Variants in SLC4A4 observed in about 807,000 individuals in gnomAD.
SLC4A4 encodes electrogenic sodium bicarbonate cotransporter 1.
SLC4A4 carries 27 observed loss-of-function variants against 111.5 expected under a neutral mutation model. The observed-to-expected ratio is 0.24, with a 90% confidence interval of 0.18 to 0.33. The LOEUF is 0.33. Ranked by LOEUF, SLC4A4 falls within the 10% of genes least tolerant of loss-of-function variation. The pLI is 1.00. For synonymous variants in SLC4A4, 443 were observed against 463.4 expected, an observed-to-expected ratio of 0.96 and a Z score of 0.57; for missense variants, 909 against 1,315.5, an observed-to-expected ratio of 0.69 and a Z score of 4.78.
At chr4:71,547,281 A>G (rs187144911) in intron 19 of SLC4A4, among the ~76,000 whole-genome samples, 1 of 152,156 alleles carries the variant, frequency 6.6e-6, no homozygotes, top group Non-Finnish European at 1.5e-5. Flanking sequence ...CCTATGAAAG[A>G]AGGTGTAAGG....
intron 3 of SLC4A4, among the ~76,000 whole-genome samples, chr4:71,338,123 G>A (rs886532061): frequency 3.9e-5 from 6 of 152,044 alleles, no homozygotes; most frequent in Admixed American, 6.6e-5. Context: ...GTAAGCCACC[G>A]CGCCCTGCCA....
intron 1 of SLC4A4, among the ~76,000 whole-genome samples, chr4:71,072,515 C>G (rs991655183): frequency 2.0e-5 from 3 of 151,922 alleles, no homozygotes; most frequent in African/African-American, 7.3e-5. Flanking sequence ...ATAGTCTTCT[C>G]TTTTTATTCA....
chr4:71,526,494 A>G (rs1008876616), intron 16 of SLC4A4, among the ~76,000 whole-genome samples: 3 of 152,068 alleles, frequency 2.0e-5, no homozygotes, highest in Admixed American at 6.6e-5. Flanking sequence ...AGCTACTTTT[A>G]TGCCTGTACT....
intron 3 of SLC4A4, among the ~76,000 whole-genome samples, chr4:71,302,740 T>A (rs1284009391): frequency 6.6e-6 from 1 of 152,210 alleles, no homozygotes. Context: ...TCAAGGGCAA[T>A]GATGCCCCAG....
intron 12 of SLC4A4, among the ~76,000 whole-genome samples, chr4:71,454,825 C>T (rs1726077587): frequency 6.6e-6 from 1 of 152,076 alleles, no homozygotes; most frequent in Non-Finnish European, 1.5e-5. Flanking sequence ...TCTTTCATGG[C>T]TGGATGGTGG....
intron 16 of SLC4A4, among the ~76,000 whole-genome samples, chr4:71,512,109 A>G (rs1249062700): frequency 1.3e-5 from 2 of 152,110 alleles, no homozygotes. Flanking sequence ...CCTTTGATAT[A>G]GTGATTTCCT....
intron 16 of SLC4A4, among the ~76,000 whole-genome samples, chr4:71,525,899 A>G (rs1733373051): frequency 6.6e-6 from 1 of 152,084 alleles, no homozygotes; most frequent in Non-Finnish European, 1.5e-5. Context: ...ATGAAAGAAA[A>G]TCACATACTC....
chr4:71,506,655 G>A (rs1731446734), intron 16 of SLC4A4, among the ~76,000 whole-genome samples: 1 of 151,872 alleles, frequency 6.6e-6, no homozygotes, highest in South Asian at 2.1e-4. Context: ...TTGACTCCCA[G>A]TTTGGAAAAC....
intron 14 of SLC4A4, among the ~76,000 whole-genome samples, chr4:71,479,736 C>T (rs950335263): frequency 2.0e-5 from 3 of 151,720 alleles, no homozygotes; most frequent in Non-Finnish European, 4.4e-5. Context: ...TTTACCGGCA[C>T]AGTTGACATT....
chr4:71,183,832 AT>A (rs924279263), upstream of SLC4A4, among the ~76,000 whole-genome samples: 13 of 152,202 alleles, frequency 8.5e-5, no homozygotes, highest in African/African-American at 3.1e-4. Flanking sequence ...AGGACTTGAT[AT>A]TGACAAACAT....
rs1726739756 is a variant in SLC4A4, at chr4:71,460,699, G to A, written c.1498-5745G>A. Among the ~76,000 whole-genome samples the A allele has an allele frequency of 1.3e-5, 2 of 152,064 alleles. 1 individual carries two copies. Among genetic ancestry groups the A allele is most frequent in the South Asian group, 4.2e-4 (2 of 4,818 alleles). ...ATATCCAGTCTCCTTCCCCAATGTA[G>A]ATGAATGGTCTGTGTGACCAATCGT... On this transcript the variant is annotated intron_variant, in intron 12 of 25. Transcript: ENST00000264485.
intron 3 of SLC4A4, among the ~76,000 whole-genome samples, chr4:71,298,469 C>T (rs2602054): frequency 0.14 from 20,984 of 152,152 alleles, 2,204 homozygotes; most frequent in African/African-American, 0.25. Flanking sequence ...TTTTATAGTA[C>T]TTATTGATGC....
intron 3 of SLC4A4, among the ~76,000 whole-genome samples, chr4:71,269,336 G>A (rs915334050): frequency 6.6e-6 from 1 of 152,166 alleles, no homozygotes; most frequent in Admixed American, 6.5e-5. Context: ...ATGGATGATC[G>A]TAGCAGTATA....
chr4:71,517,941 C>T (rs1004770999), intron 16 of SLC4A4, among the ~76,000 whole-genome samples: 2 of 152,138 alleles, frequency 1.3e-5, no homozygotes, highest in African/African-American at 4.8e-5. Context: ...GAGGGCAGGC[C>T]TGGGGCCTGG....
intron 1 of SLC4A4, among the ~76,000 whole-genome samples, chr4:71,091,944 G>A (rs555124497): frequency 5.3e-5 from 8 of 152,162 alleles, no homozygotes; most frequent in African/African-American, 1.7e-4. Context: ...GAACTATATT[G>A]CCTTACGGAG....
chr4:71,185,820 A>G (rs1745433466), upstream of SLC4A4, among the ~76,000 whole-genome samples: 1 of 152,088 alleles, frequency 6.6e-6, no homozygotes, highest in Admixed American at 6.5e-5. Flanking sequence ...CTTTGTATTG[A>G]AGAAATACTG....
intron 14 of SLC4A4, among the ~76,000 whole-genome samples, chr4:71,477,190 T>C (rs1266538913): frequency 3.3e-5 from 5 of 151,736 alleles, no homozygotes; most frequent in African/African-American, 1.2e-4. Flanking sequence ...TTTGATAAAC[T>C]CTGAACTGGG....
chr4:71,261,481 GA>G (rs2093947337), intron 3 of SLC4A4, among the ~76,000 whole-genome samples: 1 of 152,186 alleles, frequency 6.6e-6, no homozygotes, highest in African/African-American at 2.4e-5. Context: ...GTGCAGAAAG[GA>G]AAAATATTTG....
At chr4:71,321,508 T>C (rs1280831524) in intron 3 of SLC4A4, among the ~76,000 whole-genome samples, 2 of 152,024 alleles carry the variant, frequency 1.3e-5, no homozygotes, top group East Asian at 3.9e-4. Flanking sequence ...TGTGCTGCTG[T>C]GTGCTGCTAC....
Sources: gnomAD v4.1 joint callset for allele counts (sites outside exome capture counted in the v4.1 genomes callset) on GRCh38, gnomAD v4.1.1 for gene constraint, MANE v1.5 for transcripts, NCBI Gene and HGNC (gene_info 2026-07-23, HGNC 2026-07-21) for gene names.